Variants in ARB2A observed in about 807,000 individuals in gnomAD.
The protein encoded by ARB2A is cotranscriptional regulator ARB2A.
chr5:93,761,672 C>T, the ARB2A span, among the ~76,000 whole-genome samples: 1 of 152,206 alleles, frequency 6.6e-6, no homozygotes, highest in East Asian at 1.9e-4. Context: ...CCTCTGCAGA[C>T]TTATATGTCC....
chr5:93,942,251 G>A, the ARB2A span, among the ~76,000 whole-genome samples: 1 of 152,114 alleles, frequency 6.6e-6, no homozygotes, highest in African/African-American at 2.4e-5. Flanking sequence ...GGCTGGGGTG[G>A]CCTCGTATAC....
At chr5:93,770,739 C>T in the ARB2A span, among the ~76,000 whole-genome samples, 5 of 152,262 alleles carry the variant, frequency 3.3e-5, no homozygotes, top group South Asian at 2.1e-4. Context: ...AGGAATCCAA[C>T]TTACAAGGGA....
the ARB2A span, among the ~76,000 whole-genome samples, chr5:93,984,964 T>C: frequency 5.9e-5 from 9 of 152,230 alleles, no homozygotes; most frequent in African/African-American, 2.2e-4. Flanking sequence ...ACTTCCTTCA[T>C]CCCTGTCCTC....
chr5:93,729,871 A>G, the ARB2A span, among the ~76,000 whole-genome samples: 1 of 151,376 alleles, frequency 6.6e-6, no homozygotes, highest in African/African-American at 2.4e-5. Flanking sequence ...AACAATAATT[A>G]AAAAATCTAC....
the ARB2A span, among the ~76,000 whole-genome samples, chr5:93,674,693 C>T: frequency 1.3e-5 from 2 of 152,126 alleles, no homozygotes; most frequent in East Asian, 3.9e-4. Flanking sequence ...CAAAGAGGAG[C>T]TTTTGCTTTA....
chr5:94,018,720 C>A, the ARB2A span, among the ~76,000 whole-genome samples: 1 of 151,868 alleles, frequency 6.6e-6, no homozygotes, highest in African/African-American at 2.4e-5. Context: ...TTTGTAGCAA[C>A]TGTGAATGGG....
At chr5:93,867,863 C>A in the ARB2A span, among the ~76,000 whole-genome samples, 1 of 151,252 alleles carries the variant, frequency 6.6e-6, no homozygotes, top group Non-Finnish European at 1.5e-5. Context: ...AAAAAAAAAA[C>A]CTATTGTTTT....
At chr5:93,772,827 T>G in the ARB2A span, among the ~76,000 whole-genome samples, 1 of 152,170 alleles carries the variant, frequency 6.6e-6, no homozygotes, top group Non-Finnish European at 1.5e-5. Context: ...GGCAGCTGGT[T>G]TCCATCACAG....
chr5:93,962,171 C>T, the ARB2A span, among the ~76,000 whole-genome samples: 1,896 of 152,276 alleles, frequency 0.012, 45 homozygotes, highest in African/African-American at 0.043. Context: ...AACCACCTCA[C>T]TTTATTACAA....
the ARB2A span, among the ~76,000 whole-genome samples, chr5:93,689,053 A>T: frequency 6.6e-6 from 1 of 152,136 alleles, no homozygotes; most frequent in East Asian, 1.9e-4. Flanking sequence ...AGGCTGAGAA[A>T]GCTCTCCATG....
the ARB2A span, among the ~76,000 whole-genome samples, chr5:93,711,813 A>C: frequency 2.6e-5 from 4 of 152,246 alleles, no homozygotes; most frequent in Non-Finnish European, 1.5e-5. Flanking sequence ...TTACAGTAGA[A>C]GGACAGAAAC....
the ARB2A span, among the ~76,000 whole-genome samples, chr5:94,020,245 G>T: frequency 9.2e-5 from 14 of 151,638 alleles, no homozygotes; most frequent in Admixed American, 5.3e-4. Flanking sequence ...CACGGGGCGG[G>T]GGGGGTAACA....
At chr5:93,883,284 C>G in the ARB2A span, among the ~76,000 whole-genome samples, 4 of 151,532 alleles carry the variant, frequency 2.6e-5, no homozygotes, top group East Asian at 7.7e-4. Context: ...AACTGATTTA[C>G]AAACCACCAC....
At chr5:93,830,303 G>GTATATATA in the ARB2A span, among the ~76,000 whole-genome samples, 5 of 64,368 alleles carry the variant, frequency 7.8e-5, no homozygotes, top group Non-Finnish European at 1.4e-4. Flanking sequence ...ATATATATGT[G>GTATATATA]TGTGTGTGTA....
At chr5:93,926,833 G>T in the ARB2A span, among the ~76,000 whole-genome samples, 1 of 151,584 alleles carries the variant, frequency 6.6e-6, no homozygotes, top group Non-Finnish European at 1.5e-5. Flanking sequence ...GCCATGATTG[G>T]CCAGGAGAGA....
the ARB2A span, among the ~76,000 whole-genome samples, chr5:93,676,248 T>C: frequency 6.6e-6 from 1 of 152,210 alleles, no homozygotes; most frequent in Admixed American, 6.5e-5. Context: ...AAATGCTGTG[T>C]GACACACAGT....
the ARB2A span, among the ~76,000 whole-genome samples, chr5:93,694,988 G>A: frequency 6.6e-6 from 1 of 152,270 alleles, no homozygotes; most frequent in East Asian, 1.9e-4. Context: ...CTAGCCATAT[G>A]CAGAAAACTG....
At chr5:93,946,095 G>C in the ARB2A span, among the ~76,000 whole-genome samples, 1 of 152,002 alleles carries the variant, frequency 6.6e-6, no homozygotes, top group Non-Finnish European at 1.5e-5. Flanking sequence ...GAAATGCAAG[G>C]GTTCAAAAAT....
the ARB2A span, among the ~76,000 whole-genome samples, chr5:93,718,525 CAA>C: frequency 2.6e-5 from 4 of 151,982 alleles, no homozygotes. Flanking sequence ...AAAAATATAT[CAA>C]GGCATACAAA....
Sources: gnomAD v4.1 joint callset for allele counts (sites outside exome capture counted in the v4.1 genomes callset) on GRCh38, gnomAD v4.1.1 for gene constraint, MANE v1.5 for transcripts, NCBI Gene and HGNC (gene_info 2026-07-23, HGNC 2026-07-21) for gene names.